POP1: variants seen among roughly 807,000 people sequenced by gnomAD.
POP1 encodes the protein ribonucleases P/MRP protein subunit POP1.
Under a neutral mutation model 102.2 loss-of-function variants are expected in POP1, and 75 were observed. That is an observed-to-expected ratio of 0.73 (90% CI 0.61 to 0.89). POP1 has a LOEUF of 0.89. Ranked by LOEUF, POP1 falls within the 40% of genes least tolerant of loss-of-function variation. POP1 has a pLI of 0.00. For missense variants in POP1, 1,116 were observed against 1,267.4 expected, an observed-to-expected ratio of 0.88 and a Z score of 1.81; for synonymous variants, 436 against 464.1, an observed-to-expected ratio of 0.94 and a Z score of 0.78.
chr8:98,158,594 AG>A lies in POP1; in HGVS notation c.*326del. On this transcript the variant is annotated 3_prime_UTR_variant, in exon 16 of 16. Coordinates refer to ENST00000401707, the MANE Select transcript of POP1 (RefSeq NM_001145860.2). ...CATCCCCTTTTTTTGTTAGAAACAA[AG>A]GGCTTGTCAGGTCTATTTGAAAAAC... 1 of 286,312 alleles carries A rather than the reference AG, an allele frequency of 3.5e-6. No homozygotes were observed. The highest frequency in any genetic ancestry group is 3.9e-5 in the South Asian group (1 of 25,510). The allele number at this position is 286,312 out of a possible 1,614,324, so 17.7% of individuals were successfully genotyped here. A position where few individuals can be genotyped will look rare whatever the true frequency, so the allele number is the denominator to read the frequency against.
intron 2 of POP1, among the ~76,000 whole-genome samples, chr8:98,126,815 A>G (rs1451739162): frequency 6.6e-6 from 1 of 152,224 alleles, no homozygotes; most frequent in Non-Finnish European, 1.5e-5. Flanking sequence ...AAGAAGTGTA[A>G]TTGAATTTTG....
chr8:98,127,592 T>C lies in POP1; in HGVS notation c.143-3T>C, dbSNP rs755155842. On this transcript the variant is annotated splice_polypyrimidine_tract_variant and splice_region_variant and intron_variant, in intron 2 of 15. Transcript: ENST00000401707. The stretch of plus-strand genomic sequence containing the variant: ...GACATGTTTCTTTTTGAAAATATAC[T>C]AGAGCCTCATCCTGGAACTTCACGA... 4 of 1,614,024 alleles carry C rather than the reference T, an allele frequency of 2.5e-6. No homozygotes were observed. The Admixed American group carries it at 6.7e-5, about 27-fold the overall frequency.
intron 2 of POP1, among the ~76,000 whole-genome samples, chr8:98,124,753 T>A (rs1024774696): frequency 6.6e-6 from 1 of 152,214 alleles, no homozygotes; most frequent in African/African-American, 2.4e-5. Context: ...TTAACATCAA[T>A]GATTATTATA....
intron 9 of POP1, 83 bp from the exon 10 acceptor site, chr8:98,139,995 G>A: frequency 3.9e-6 from 4 of 1,034,618 alleles, no homozygotes; most frequent in Non-Finnish European, 6.0e-6. Flanking sequence ...AGAAGAAAGA[G>A]TGGGGGCTGA....
At chr8:98,150,392 G>A (rs1354514143) in intron 13 of POP1, 93 bp from the exon 14 acceptor site, 3 of 1,325,944 alleles carry the variant, frequency 2.3e-6, no homozygotes, top group Non-Finnish European at 3.2e-6. Context: ...CTTTTGAGGG[G>A]CGTTTAGGTT....
intron 1 of POP1, among the ~76,000 whole-genome samples, chr8:98,121,512 G>GTTTTTTT (rs34259075): frequency 2.5e-5 from 3 of 119,696 alleles, no homozygotes; most frequent in Non-Finnish European, 3.4e-5. Flanking sequence ...GGTTACACGG[G>GTTTTTTT]TTTTTTTTTT....
Position 98,158,573 on chromosome 8 carries a change from C to T in POP1, c.*302C>T, listed in dbSNP as rs374374186. On this transcript the variant is annotated 3_prime_UTR_variant, in exon 16 of 16. Coordinates refer to ENST00000401707, the MANE Select transcript of POP1 (RefSeq NM_001145860.2). ...ATGAGAAGCTCTACGAGTTATCATC[C>T]CCTTTTTTTGTTAGAAACAAAGGGC... 9.8e-6 allele frequency: 3 copies of T among 307,558 alleles called. No individual in the cohort carries two copies. The highest frequency in any genetic ancestry group is 8.0e-5 in the East Asian group (1 of 12,506). 19.1% of individuals were successfully genotyped at this position (307,558 alleles called of 1,614,324 possible).
intron 2 of POP1, among the ~76,000 whole-genome samples, chr8:98,124,668 C>G (rs76141957): frequency 1.3e-5 from 2 of 152,230 alleles, no homozygotes; most frequent in East Asian, 3.9e-4. Flanking sequence ...AATTCAGGGA[C>G]GTATGAAACA....
chr8:98,123,645 C>G (rs953032495), intron 2 of POP1, among the ~76,000 whole-genome samples, 166 bp downstream of exon 2: 1 of 152,012 alleles, frequency 6.6e-6, no homozygotes, highest in African/African-American at 2.4e-5. Flanking sequence ...GGTGTGGTGG[C>G]GCGTGCCTGT....
chr8:98,155,616 C>G (rs909593573), intron 14 of POP1, among the ~76,000 whole-genome samples: 3 of 150,708 alleles, frequency 2.0e-5, no homozygotes, highest in African/African-American at 7.3e-5. Flanking sequence ...GAGTCTCACT[C>G]TGTTGCCCAG....
At chr8:98,118,053 A>G (rs1291891455) in intron 1 of POP1, among the ~76,000 whole-genome samples, 1 of 152,152 alleles carries the variant, frequency 6.6e-6, no homozygotes, top group Non-Finnish European at 1.5e-5. Context: ...AAATAATAAT[A>G]AAATCTCTGC....
intron 1 of POP1, among the ~76,000 whole-genome samples, chr8:98,119,224 TAAG>T (rs368803666): frequency 2.1e-4 from 32 of 152,372 alleles, no homozygotes; most frequent in Admixed American, 5.9e-4. Context: ...AGTTTTTAAA[TAAG>T]AAGCTATTTT....
chr8:98,126,698 C>T (rs1005152904), intron 2 of POP1, among the ~76,000 whole-genome samples: 6 of 152,204 alleles, frequency 3.9e-5, no homozygotes, highest in Non-Finnish European at 5.9e-5. Context: ...GAGATAGTGG[C>T]ACCTTTGCTT....
intron 14 of POP1, 131 bp from the exon 15 acceptor site, chr8:98,155,919 G>C (rs1475239688): frequency 1.0e-5 from 6 of 572,388 alleles, no homozygotes; most frequent in Non-Finnish European, 1.7e-5. Flanking sequence ...TTGTGTGTGT[G>C]TGTGTGTGTG....
chr8:98,133,917 A>G (rs2130597706), intron 5 of POP1, 32 bp from the exon 6 acceptor site: 2 of 1,537,346 alleles, frequency 1.3e-6, no homozygotes, highest in South Asian at 2.2e-5. Flanking sequence ...GTAAATTCCT[A>G]AGTACTTAAT....
At position 98,148,997 on chromosome 8, in the gene POP1, G is replaced by A. The variant is rs776755920; in HGVS notation, c.1893G>A (p.Trp631Ter). 1 of 1,612,296 alleles carries A rather than the reference G, an allele frequency of 6.2e-7. No homozygotes were observed. Among genetic ancestry groups the A allele is most frequent in the Admixed American group, 1.7e-5 (1 of 59,822 alleles). ...CAAAGGGCTGGGGCATGGCTTTCTGGATTCCATTTGTAAGTTACTTTTTGA... is the reference window on the plus strand; with the variant it reads ...CAAAGGGCTGGGGCATGGCTTTCTGAATTCCATTTGTAAGTTACTTTTTGA... The part of the protein sequence containing the change: ...LLPKGWGMAF[W>*]IPFIYRGVRV... The change falls in exon 13 of 16, where the codon TGG becomes TGA. Residue 631 changes from tryptophan (W) to a stop codon, truncating the protein, a stop_gained. Coordinates refer to ENST00000401707, the MANE Select transcript of POP1 (RefSeq NM_001145860.2). LOFTEE classifies it high-confidence loss of function.
At chr8:98,137,873 G>A (rs1330632384) in intron 9 of POP1, among the ~76,000 whole-genome samples, 1 of 152,192 alleles carries the variant, frequency 6.6e-6, no homozygotes, top group East Asian at 1.9e-4. Flanking sequence ...TCTGCACCCT[G>A]GGTTCAGATC....
intron 11 of POP1, among the ~76,000 whole-genome samples, chr8:98,141,760 G>A (rs1440723994): frequency 6.7e-6 from 1 of 150,204 alleles, no homozygotes; most frequent in African/African-American, 2.5e-5. Flanking sequence ...TAGAGATGGG[G>A]TTTCACCATG....
chr8:98,141,720 ATT>A (rs933222679), intron 11 of POP1, among the ~76,000 whole-genome samples: 34 of 133,060 alleles, frequency 2.6e-4, no homozygotes, highest in Admixed American at 3.8e-4. Context: ...CGCCTGGCTA[ATT>A]TTTTTTTTTT....
Sources: gnomAD v4.1 joint callset for allele counts (sites outside exome capture counted in the v4.1 genomes callset) on GRCh38, gnomAD v4.1.1 for gene constraint, MANE v1.5 for transcripts, NCBI Gene and HGNC (gene_info 2026-07-23, HGNC 2026-07-21) for gene names.